CNTN2: variants seen among roughly 807,000 people sequenced by gnomAD.
CNTN2 encodes the protein contactin-2.
CNTN2 carries 53 observed loss-of-function variants against 117.5 expected under a neutral mutation model. The observed-to-expected ratio is 0.45, with a 90% CI of 0.36 to 0.57. The LOEUF (loss-of-function observed/expected upper bound fraction) is 0.57. CNTN2 is among the 20% of genes least tolerant of loss of function. The pLI, the probability that CNTN2 is intolerant of heterozygous loss-of-function variation, is 0.00. For synonymous variants in CNTN2, 530 were observed against 561.7 expected (o/e 0.94, Z 0.80); for missense variants, 1,106 against 1,404.3 (o/e 0.79, Z 3.39).
At position 205,065,700 on chromosome 1, in the gene CNTN2, C is replaced by T; in HGVS notation, c.1696-89C>T. On this transcript the variant is annotated intron_variant, in intron 13 of 22. Coordinates refer to ENST00000331830, the MANE Select transcript of CNTN2 (RefSeq NM_005076.5). The surrounding 1 kb of genome is among the most constrained non-coding windows in gnomAD (Gnocchi z 4.1). Reference sequence around the variant, plus strand: ...TCCATGGATGTCATGGAGTAGGGGACTCCCAAGCGCTGCCTCATGTCTCAT... The same window carrying T: ...TCCATGGATGTCATGGAGTAGGGGATTCCCAAGCGCTGCCTCATGTCTCAT... 1.8e-6 allele frequency: 1 copy of T among 565,316 alleles called. No homozygotes were observed. The allele number at this position is 565,316 out of a possible 1,614,324, so 35.0% of individuals were successfully genotyped here. A position where few individuals can be genotyped will look rare whatever the true frequency, so the allele number is the denominator to read the frequency against.
intron 1 of CNTN2, among the ~76,000 whole-genome samples, chr1:205,051,106 G>A (rs1053053051): frequency 5.3e-5 from 8 of 152,224 alleles, no homozygotes; most frequent in African/African-American, 1.7e-4. Flanking sequence ...ACTGGCTCCT[G>A]GAGGCATATA....
intron 17 of CNTN2, 33 bp from the exon 18 acceptor site, chr1:205,069,794 G>A: frequency 6.3e-7 from 1 of 1,598,124 alleles, no homozygotes; most frequent in Non-Finnish European, 8.6e-7. Flanking sequence ...ACATGCCGCG[G>A]ACCCTCGCCC....
rs1553345094 is a variant in CNTN2, at chr1:205,062,101, C to T, written c.1110+100C>T. ...TTCCCCTGCACCACTAGTAGCCCCT[C>T]TGGGCTAATTAGGGTGTCAGAGGGT... On this transcript the variant is annotated intron_variant, in intron 9 of 22. Coordinates refer to ENST00000331830, the MANE Select transcript of CNTN2 (RefSeq NM_005076.5). The T allele has an allele frequency of 2.4e-5, 34 of 1,436,158 alleles. No individual in the cohort carries two copies. The South Asian group carries it at 4.0e-4, about 17-fold the overall frequency. The allele number at this position is 1,436,158 out of a possible 1,614,324, so 89.0% of individuals were successfully genotyped here. A position where few individuals can be genotyped will look rare whatever the true frequency, so the allele number is the denominator to read the frequency against.
intron 19 of CNTN2, 53 bp downstream of exon 19, chr1:205,070,591 C>T: frequency 7.9e-7 from 1 of 1,267,420 alleles, no homozygotes; most frequent in South Asian, 1.3e-5. Flanking sequence ...GCTTCAAAGC[C>T]AGGTGGGAAC....
rs1370275427 is a variant in CNTN2 at position 205,058,931 on chromosome 1, C to T, written c.488-153C>T. ...CTCCCTGAGGGCAGGAATAAAGTCA[C>T]TTCTTCCCTCTAGGTCTCCCCTTAG... is the stretch of plus-strand genomic sequence containing the variant. On this transcript the variant is annotated intron_variant, in intron 5 of 22. Transcript: ENST00000331830. The surrounding 1 kb of genome is among the most constrained non-coding windows in gnomAD (Gnocchi z 4.3). The T allele has an allele frequency of 1.3e-6, 1 of 746,558 alleles. No homozygotes were observed. Among genetic ancestry groups the T allele is most frequent in the Non-Finnish European group, 2.2e-6 (1 of 456,562 alleles). The allele number at this position is 746,558 out of a possible 1,614,324, so 46.2% of individuals were successfully genotyped here. A position where few individuals can be genotyped will look rare whatever the true frequency, so the allele number is the denominator to read the frequency against.
At position 205,065,742 on chromosome 1, in the gene CNTN2, C is replaced by A; in HGVS notation, c.1696-47C>A. 1.2e-6 allele frequency: 2 copies of A among 1,613,306 alleles called. No homozygotes were observed. Among genetic ancestry groups the A allele is most frequent in the South Asian group, 2.2e-5 (2 of 90,904 alleles). ...ATGTCTCATGGCCTGCTGCACTGGTCAGGGCCGGTGGTCTGACCTGCTGCC... is the reference window on the plus strand; with the variant it reads ...ATGTCTCATGGCCTGCTGCACTGGTAAGGGCCGGTGGTCTGACCTGCTGCC... On this transcript the variant is annotated intron_variant, in intron 13 of 22. Coordinates refer to ENST00000331830, the MANE Select transcript of CNTN2 (RefSeq NM_005076.5). The surrounding 1 kb of genome is among the most constrained non-coding windows in gnomAD (Gnocchi z 4.1).
intron 11 of CNTN2, 73 bp from the exon 12 acceptor site, chr1:205,064,550 C>T (rs924242907): frequency 3.1e-6 from 5 of 1,596,756 alleles, no homozygotes; most frequent in African/African-American, 1.3e-5. Context: ...CCTGTGACAA[C>T]AGTCACAGGA....
chr1:205,059,193 C>G lies in CNTN2; in HGVS notation c.597C>G (p.Ala199=). ...ACCTGTACATTGCCCGAACCAATGC[C>G]TCAGACCTGGGCAACTACTCCTGTT... ...TGNLYIARTN[A]SDLGNYSCLA... is the part of the protein sequence containing the mutation. The change falls in exon 6 of 23, where the codon GCC becomes GCG. Residue 199 remains alanine (A), a synonymous_variant. Transcript: ENST00000331830. The surrounding 1 kb of genome is among the most constrained non-coding windows in gnomAD (Gnocchi z 5.6). The G allele has an allele frequency of 6.2e-7, 1 of 1,614,220 alleles. No individual in the cohort carries two copies. The highest frequency in any genetic ancestry group is 1.3e-5 in the African/African-American group (1 of 75,058).
At position 205,062,441 on chromosome 1, in the gene CNTN2, A is replaced by G. The variant is rs1291872797; in HGVS notation, c.1112A>G (p.Asn371Ser). Residue 371 changes from asparagine (N) to serine (S), a missense_variant and splice_region_variant, in exon 10 of 23, where the codon AAC (asparagine) becomes AGC (serine). By Grantham distance (46) the Asn-to-Ser change is conservative. Coordinates refer to ENST00000331830, the MANE Select transcript of CNTN2 (RefSeq NM_005076.5). ...TGGGCTCTGGGCTCTTCTGCACAGA[A>G]CCGGGTGGAGGTGTTGGCTGGGGAC... Reference protein sequence around the residue: ...LRNGEPLASQNRVEVLAGDLR... With the variant: ...LRNGEPLASQSRVEVLAGDLR... The G allele has an allele frequency of 1.2e-6, 2 of 1,612,496 alleles. No homozygotes were observed. The highest frequency in any genetic ancestry group is 2.2e-5 in the South Asian group (2 of 90,764).
intron 2 of CNTN2, among the ~76,000 whole-genome samples, chr1:205,056,797 C>T (rs750984453): frequency 4.6e-5 from 7 of 152,096 alleles, no homozygotes; most frequent in South Asian, 2.1e-4. Flanking sequence ...GTGTGATGTC[C>T]GGCCAATCTG....
At chr1:205,072,235 C>T in intron 20 of CNTN2, 102 bp downstream of exon 20, 2 of 1,208,578 alleles carry the variant, frequency 1.7e-6, no homozygotes, top group South Asian at 1.5e-5. Flanking sequence ...TCTAGCCCAC[C>T]AGCTCTGGGC....
At position 205,058,198 on chromosome 1, in the gene CNTN2, C is replaced by A; in HGVS notation, c.233C>A (p.Thr78Asn). 6.3e-7 allele frequency: 1 copy of A among 1,585,672 alleles called. No individual in the cohort carries two copies. Among genetic ancestry groups the A allele is most frequent in the Non-Finnish European group, 8.6e-7 (1 of 1,166,038 alleles). Residue 78 changes from threonine to asparagine, a missense_variant, in exon 4 of 23, where the codon ACC becomes AAC. Coordinates refer to ENST00000331830, the MANE Select transcript of CNTN2 (RefSeq NM_005076.5). The surrounding 1 kb of genome is among the most constrained non-coding windows in gnomAD (Gnocchi z 4.3). ...TGCTGCAGGTGGAAGATGAATGGTA[C>A]CGAGATGAAGCTGGAGCCAGGTTCC... ...PATYRWKMNG[T>N]EMKLEPGSRH...
chr1:205,069,612 G>A (rs762610693), intron 17 of CNTN2, 51 bp downstream of exon 17: 5 of 1,579,302 alleles, frequency 3.2e-6, no homozygotes, highest in Admixed American at 1.7e-5. Flanking sequence ...CCCCTCTCCC[G>A]CTTGAGCAGC....
At position 205,065,127 on chromosome 1, in the gene CNTN2, C is replaced by T. The variant is rs1233874731; in HGVS notation, c.1560C>T (p.Ile520=). 1 of 1,614,174 alleles carries T rather than the reference C, an allele frequency of 6.2e-7. No individual in the cohort carries two copies. The highest frequency in any genetic ancestry group is 8.5e-7 in the Non-Finnish European group (1 of 1,180,022). The part of the protein sequence containing the change: ...KITLAPSSAD[I]NLGDNLTLQC... ...CTCTAGCCCCCTCAAGTGCCGACAT[C>T]AACTTGGGTGACAACCTGACCCTAC... The change falls in exon 13 of 23, where the codon ATC becomes ATT. Residue 520 remains isoleucine, a synonymous_variant. Transcript: ENST00000331830. This position sits in a 1 kb window ranked among gnomAD's most constrained non-coding sequence, Gnocchi z 4.1.
At chr1:205,051,923 C>T (rs981764996) in intron 1 of CNTN2, among the ~76,000 whole-genome samples, 4 of 152,208 alleles carry the variant, frequency 2.6e-5, no homozygotes, top group Non-Finnish European at 5.9e-5. Context: ...TTTCTCCACA[C>T]GGGTCCCCAT....
intron 19 of CNTN2, among the ~76,000 whole-genome samples, chr1:205,071,172 C>T (rs1654577435): frequency 6.6e-6 from 1 of 152,126 alleles, no homozygotes; most frequent in Non-Finnish European, 1.5e-5. Flanking sequence ...TTCAGGCTGG[C>T]CTGTCCAGGG....
intron 12 of CNTN2, 26 bp downstream of exon 12, chr1:205,064,776 G>A (rs377078767): frequency 1.9e-5 from 31 of 1,610,690 alleles, no homozygotes; most frequent in African/African-American, 9.4e-5. Context: ...TGGGTAGGCC[G>A]GGGGCTCAGC....
In CNTN2 at chr1:205,074,766, G is replaced by C. The variant is rs1263341564; in HGVS notation, c.*1001G>C. ...CCCAGCACTGACTCACTCCTGCCTG[G>C]GAGGGGAATGCAGCATTCATGCTGT... On this transcript the variant is annotated 3_prime_UTR_variant, in exon 23 of 23. Coordinates refer to ENST00000331830, the MANE Select transcript of CNTN2 (RefSeq NM_005076.5). The C allele has an allele frequency of 5.0e-6, 2 of 398,698 alleles. No homozygotes were observed. The highest frequency in any genetic ancestry group is 8.8e-6 in the Non-Finnish European group (2 of 226,190). 24.7% of individuals were successfully genotyped at this position (398,698 alleles called of 1,614,324 possible). A position where few individuals can be genotyped will look rare whatever the true frequency, so the allele number is the denominator to read the frequency against.
chr1:205,056,030 G>A (rs2096460326), intron 2 of CNTN2, among the ~76,000 whole-genome samples: 1 of 152,206 alleles, frequency 6.6e-6, no homozygotes, highest in African/African-American at 2.4e-5. Context: ...AGGTGCATAT[G>A]TACGAATGTG....
Sources: gnomAD v4.1 joint callset for allele counts (sites outside exome capture counted in the v4.1 genomes callset) on GRCh38, gnomAD v4.1.1 for gene constraint, Gnocchi (gnomAD v3.1) non-coding constraint, MANE v1.5 for transcripts, NCBI Gene and HGNC (gene_info 2026-07-23, HGNC 2026-07-21) for gene names.